The following ST3GAL3 variants were observed in gnomAD, a reference collection of about 807,000 sequenced individuals.
ST3GAL3 encodes the protein CMP-N-acetylneuraminate-beta-1,4-galactoside alpha-2,3-sialyltransferase.
Under a neutral mutation model 50.1 loss-of-function variants are expected in ST3GAL3, and 21 were observed. The observed-to-expected ratio is 0.42, with a 90% CI of 0.30 to 0.60. The LOEUF (loss-of-function observed/expected upper bound fraction) is 0.60. Ranked by LOEUF, ST3GAL3 falls within the 20% of genes least tolerant of loss-of-function variation. ST3GAL3 has a pLI of 0.19. For synonymous variants in ST3GAL3, 183 were observed against 190.0 expected (o/e 0.96, Z 0.30); for missense variants, 353 against 489.4 (o/e 0.72, Z 2.63).
intron 5 of ST3GAL3, among the ~76,000 whole-genome samples, chr1:43,880,164 G>A (rs1455708215): frequency 2.6e-5 from 4 of 152,198 alleles, no homozygotes; most frequent in Non-Finnish European, 5.9e-5. Flanking sequence ...TTGGCTGAGA[G>A]CTAGGGGTGC....
At chr1:43,809,324 CT>C (rs1204910400) in intron 3 of ST3GAL3, among the ~76,000 whole-genome samples, 1 of 151,962 alleles carries the variant, frequency 6.6e-6, no homozygotes, top group Non-Finnish European at 1.5e-5. Flanking sequence ...GAAAAATGTA[CT>C]GGATGAATAA....
chr1:43,765,694 C>G (rs888809561), intron 2 of ST3GAL3, among the ~76,000 whole-genome samples: 7 of 151,782 alleles, frequency 4.6e-5, no homozygotes, highest in African/African-American at 1.7e-4. Flanking sequence ...GGATTCCTTG[C>G]TCTGGAAAGG....
intron 9 of ST3GAL3, among the ~76,000 whole-genome samples, chr1:43,918,119 C>CTTTTTTTTTTT (rs573834844): frequency 7.5e-5 from 10 of 133,902 alleles, no homozygotes; most frequent in African/African-American, 2.9e-4. Flanking sequence ...TTTTCTTTCT[C>CTTTTTTTTTTT]TTTTTTTTTT....
In ST3GAL3 at chr1:43,786,500, T is replaced by A. The variant is rs2057356818; in HGVS notation, c.119-5602T>A. 2.0e-5 allele frequency among the ~76,000 whole-genome samples: 3 copies of A among 152,182 alleles called. No individual in the cohort carries two copies. In the South Asian group the frequency reaches 6.2e-4, roughly 31 times the overall value. Reference sequence around the variant, plus strand: ...GATCTTTTCTTAGCTTGCTTCTGTCTCCAGGTCTCAGCCTGGGTGCCACCT... The same window carrying A: ...GATCTTTTCTTAGCTTGCTTCTGTCACCAGGTCTCAGCCTGGGTGCCACCT... On this transcript the variant is annotated intron_variant, in intron 2 of 11. Transcript: ENST00000347631.
chr1:43,844,639 G>A (rs1020298455), intron 5 of ST3GAL3, among the ~76,000 whole-genome samples: 5 of 152,130 alleles, frequency 3.3e-5, no homozygotes, highest in African/African-American at 9.6e-5. Flanking sequence ...GTGAAACCCC[G>A]TCTCTACCAA....
At chr1:43,805,991 C>T (rs2059838370) in intron 3 of ST3GAL3, among the ~76,000 whole-genome samples, 1 of 152,108 alleles carries the variant, frequency 6.6e-6, no homozygotes, top group Admixed American at 6.5e-5. Flanking sequence ...ACCTTGGCCT[C>T]CCAAAGTGCT....
chr1:43,833,723 G>A (rs745520497), intron 4 of ST3GAL3, among the ~76,000 whole-genome samples: 53 of 152,266 alleles, frequency 3.5e-4, no homozygotes, highest in Middle Eastern at 3.4e-3. Context: ...AGGGGAAGGC[G>A]GTAGGAGAAT....
At chr1:43,928,585 G>A (rs1198742896) in intron 11 of ST3GAL3, among the ~76,000 whole-genome samples, 1 of 144,412 alleles carries the variant, frequency 6.9e-6, no homozygotes, top group Non-Finnish European at 1.5e-5. Flanking sequence ...GGGCAACAGA[G>A]CAAGACACCA....
intron 6 of ST3GAL3, among the ~76,000 whole-genome samples, chr1:43,895,187 C>A (rs1198208988): frequency 6.6e-6 from 1 of 152,134 alleles, no homozygotes; most frequent in Non-Finnish European, 1.5e-5. Context: ...GAGTGCCCCA[C>A]GTCCCTCTAT....
chr1:43,810,163 A>G (rs1280935110), intron 3 of ST3GAL3, among the ~76,000 whole-genome samples: 1 of 152,106 alleles, frequency 6.6e-6, no homozygotes, highest in Non-Finnish European at 1.5e-5. Context: ...ATATTTGAAG[A>G]AATAAGAACC....
In ST3GAL3 at chr1:43,850,356, A is replaced by G. The variant is rs565183608; in HGVS notation, c.302+12045A>G. ...AGTGAAGCTCTCAACCTCCTCCTGG[A>G]GAGCCTGCACACACCCCTGGTATTT... On this transcript the variant is annotated intron_variant, in intron 5 of 11. Coordinates refer to ENST00000347631, the MANE Select transcript of ST3GAL3 (RefSeq NM_006279.5). 3.6e-5 allele frequency: 21 copies of G among 578,390 alleles called. 1 individual carries two copies. The highest frequency in any genetic ancestry group is 3.1e-4 in the South Asian group (21 of 67,540). 35.8% of individuals were successfully genotyped at this position (578,390 alleles called of 1,614,324 possible).
At chr1:43,756,713 A>G (rs1262466581) in intron 2 of ST3GAL3, among the ~76,000 whole-genome samples, 2 of 152,260 alleles carry the variant, frequency 1.3e-5, no homozygotes, top group East Asian at 3.9e-4. Flanking sequence ...GTTTCTGTAT[A>G]CCTATACATT....
chr1:43,837,244 G>A lies in ST3GAL3; in HGVS notation c.210-975G>A, dbSNP rs531742534. Among the ~76,000 whole-genome samples, 66 of 152,302 alleles carry A rather than the reference G, an allele frequency of 4.3e-4. 1 individual carries two copies. In the South Asian group the frequency reaches 0.012, roughly 29 times the overall value. On this transcript the variant is annotated intron_variant, in intron 4 of 11. Transcript: ENST00000347631. ...ACAGAGGAGGCACTTAGCCCAATCC[G>A]AGGGTCAGGGAATCACTCCCAGTGA...
chr1:43,837,971 C>G (rs1440858635), intron 4 of ST3GAL3, among the ~76,000 whole-genome samples: 1 of 151,912 alleles, frequency 6.6e-6, no homozygotes, highest in Admixed American at 6.6e-5. Context: ...GGGAATGAAA[C>G]TTGATTCAAG....
At chr1:43,929,776 G>A (rs577077282) in intron 11 of ST3GAL3, among the ~76,000 whole-genome samples, 3 of 152,290 alleles carry the variant, frequency 2.0e-5, no homozygotes, top group Admixed American at 1.3e-4. Context: ...CTGCCTGCCC[G>A]CAGGGTGTCT....
chr1:43,929,315 T>A (rs949317893), intron 11 of ST3GAL3, among the ~76,000 whole-genome samples: 1 of 151,922 alleles, frequency 6.6e-6, no homozygotes, highest in African/African-American at 2.4e-5. Context: ...TTATTATTTT[T>A]TTTTTTTGAG....
intron 9 of ST3GAL3, chr1:43,912,756 C>T (rs999846615): frequency 2.0e-5 from 3 of 152,252 alleles, no homozygotes; most frequent in Non-Finnish European, 4.4e-5. Context: ...CAGATGTTTT[C>T]CCCATTGCTC....
intron 5 of ST3GAL3, among the ~76,000 whole-genome samples, chr1:43,890,025 A>G (rs961973353): frequency 1.3e-5 from 2 of 152,342 alleles, no homozygotes; most frequent in Non-Finnish European, 1.5e-5. Context: ...CTGAGGTGGA[A>G]GGAATGCTTG....
chr1:43,757,774 A>C (rs1688658931), intron 2 of ST3GAL3, among the ~76,000 whole-genome samples: 1 of 152,226 alleles, frequency 6.6e-6, no homozygotes, highest in African/African-American at 2.4e-5. Context: ...ATAAAAAAAA[A>C]CATTGAACTT....
Sources: allele counts gnomAD v4.1 joint callset (sites outside exome capture counted in the v4.1 genomes callset), GRCh38; gene constraint gnomAD v4.1.1; transcripts MANE v1.5; gene names NCBI Gene and HGNC (gene_info 2026-07-23, HGNC 2026-07-21).